SF3B6: variants seen among roughly 807,000 people sequenced by gnomAD.
SF3B6 encodes the protein splicing factor 3b subunit 6, also known as SF3b 14 kDa subunit.
A neutral mutation model predicts 15.9 loss-of-function variants in SF3B6; 3 were observed. The ratio of observed to expected loss-of-function variants is 0.19; its 90% CI spans 0.09 to 0.49. The LOEUF (loss-of-function observed/expected upper bound fraction) is 0.49, where lower values mean the gene tolerates loss of function less well. Ranked by LOEUF, SF3B6 falls within the 20% of genes least tolerant of loss-of-function variation. The probability of loss-of-function intolerance (pLI) is 0.97; values close to 1 mark genes in which losing one functional copy is unlikely to be tolerated. For synonymous variants in SF3B6, 49 were observed against 51.1 expected, an observed-to-expected ratio of 0.96 and a Z score of 0.18; for missense variants, 71 against 154.3, an observed-to-expected ratio of 0.46 and a Z score of 2.86.
chr2:24,073,230 C>T (rs11890987), intron 2 of SF3B6, among the ~76,000 whole-genome samples: 18,159 of 152,144 alleles, frequency 0.12, 1,265 homozygotes, highest in South Asian at 0.18. Context: ...AAACTTTATA[C>T]GTAGTCATTA....
At chr2:24,068,120 C>G (rs1441784215) in intron 3 of SF3B6, among the ~76,000 whole-genome samples, 1 of 152,158 alleles carries the variant, frequency 6.6e-6, no homozygotes, top group Admixed American at 6.5e-5. Flanking sequence ...CCCGCCACCA[C>G]GCCCGGCTAA....
In SF3B6 at chr2:24,068,454, T is replaced by C; in HGVS notation, c.155A>G (p.Asn52Ser). Residue 52 changes from asparagine to serine, a missense_variant, in exon 3 of 4, where the codon AAC becomes AGC. Asn to Ser is a conservative substitution (Grantham distance 46). This residue lies in a region of SF3B6 where 52 missense variants were observed against 113.2 expected (regional missense o/e 0.46). Transcript: ENST00000233468. ...YGPIRQIRVGNTPETRGTAYV... is the reference protein window; with the variant it reads ...YGPIRQIRVGSTPETRGTAYV... ...AGCTGTTCCTCTAGTTTCAGGTGTG[T>C]TCCCCCTGGAGAGGTAAGTTAAACT... 1 of 1,611,778 alleles carries C rather than the reference T, an allele frequency of 6.2e-7. No individual in the cohort carries two copies. Among genetic ancestry groups the C allele is most frequent in the Non-Finnish European group, 8.5e-7 (1 of 1,179,124 alleles).
In SF3B6 at chr2:24,076,265, G is replaced by A; in HGVS notation, c.-36C>T. On this transcript the variant is annotated 5_prime_UTR_variant, in exon 1 of 4. Transcript: ENST00000233468. Reference sequence around the variant, plus strand: ...TGATGAAGTTACCGTAGCAGATACTGAAATTCCTCCGGAGCTCGCTCGGCT... The same window carrying A: ...TGATGAAGTTACCGTAGCAGATACTAAAATTCCTCCGGAGCTCGCTCGGCT... 6.2e-7 allele frequency: 1 copy of A among 1,614,112 alleles called. No homozygotes were observed. Among genetic ancestry groups the A allele is most frequent in the Non-Finnish European group, 8.5e-7 (1 of 1,179,950 alleles).
intron 1 of SF3B6, among the ~76,000 whole-genome samples, 156 bp from the exon 2 acceptor site, chr2:24,074,350 T>C (rs1232344204): frequency 6.6e-6 from 1 of 152,036 alleles, no homozygotes; most frequent in Non-Finnish European, 1.5e-5. Context: ...TTTCTGAAAA[T>C]GGGCAGATCT....
chr2:24,076,066 TCTTCG>T (rs1234504544), intron 1 of SF3B6, 129 bp downstream of exon 1: 7 of 1,158,216 alleles, frequency 6.0e-6, no homozygotes, highest in African/African-American at 1.5e-5. Context: ...CCGGATAGTG[TCTTCG>T]CTGACAGGAT....
At chr2:24,071,551 G>A (rs1664651616) in intron 2 of SF3B6, among the ~76,000 whole-genome samples, 1 of 152,180 alleles carries the variant, frequency 6.6e-6, no homozygotes, top group South Asian at 2.1e-4. Context: ...TTTGCAGTGA[G>A]CCGAGATCGT....
intron 2 of SF3B6, among the ~76,000 whole-genome samples, chr2:24,073,329 C>T (rs537910781): frequency 2.6e-5 from 4 of 152,224 alleles, no homozygotes; most frequent in South Asian, 2.1e-4. Flanking sequence ...CATATGAGTT[C>T]GGGTGTCAGA....
At chr2:24,075,238 C>T (rs139852221) in intron 1 of SF3B6, among the ~76,000 whole-genome samples, 1 of 152,164 alleles carries the variant, frequency 6.6e-6, no homozygotes, top group Non-Finnish European at 1.5e-5. Context: ...CATCTTTTCA[C>T]CCCACTGCAA....
chr2:24,076,204 GC>G lies in SF3B6; in HGVS notation c.25del (p.Ala9ArgfsTer9). ...CGCAGAACACCCGATACTCACGTTC[GC>G]CCTCTTGGCCGCTTGCATCGCCATC... The part of the protein sequence containing the change: MAMQAAKR[A>X]NIRLPPEVNR... On this transcript the variant is annotated frameshift_variant, in exon 1 of 4. Coordinates refer to ENST00000233468, the MANE Select transcript of SF3B6 (RefSeq NM_016047.4). LOFTEE classifies it high-confidence loss of function. 6.2e-7 allele frequency: 1 copy of G among 1,614,160 alleles called. No homozygotes were observed. The highest frequency in any genetic ancestry group is 8.5e-7 in the Non-Finnish European group (1 of 1,180,008).
At chr2:24,075,863 A>G (rs1664735570) in intron 1 of SF3B6, among the ~76,000 whole-genome samples, 1 of 152,044 alleles carries the variant, frequency 6.6e-6, no homozygotes, top group South Asian at 2.1e-4. Flanking sequence ...TGAACCATTA[A>G]GTTAGTTGAG....
At chr2:24,071,626 C>T (rs906978317) in intron 2 of SF3B6, among the ~76,000 whole-genome samples, 3 of 152,082 alleles carry the variant, frequency 2.0e-5, no homozygotes, top group African/African-American at 7.2e-5. Flanking sequence ...ATGTTTCATA[C>T]AAGAAGTAGA....
chr2:24,075,923 G>A (rs374064666), intron 1 of SF3B6, among the ~76,000 whole-genome samples: 127 of 152,174 alleles, frequency 8.3e-4, no homozygotes, highest in African/African-American at 2.9e-3. Flanking sequence ...CCTAACGCCA[G>A]GTCCTTAGGT....
At chr2:24,070,841 T>G (rs904817349) in intron 2 of SF3B6, among the ~76,000 whole-genome samples, 1 of 152,210 alleles carries the variant, frequency 6.6e-6, no homozygotes, top group Admixed American at 6.5e-5. Flanking sequence ...TCCTGTACCC[T>G]AAACTTCTAT....
intron 2 of SF3B6, among the ~76,000 whole-genome samples, chr2:24,072,398 A>G (rs1448829797): frequency 6.6e-6 from 1 of 152,216 alleles, no homozygotes; most frequent in Non-Finnish European, 1.5e-5. Flanking sequence ...GCCCTGGAGG[A>G]ACTCACAACC....
At position 24,076,181 on chromosome 2, in the gene SF3B6, C is replaced by T; in HGVS notation, c.30+19G>A. The stretch of plus-strand genomic sequence containing the variant: ...AAACCCGAAGTTCTCCCACCCTCCG[C>T]AGAACACCCGATACTCACGTTCGCC... On this transcript the variant is annotated intron_variant, in intron 1 of 3. Coordinates refer to ENST00000233468, the MANE Select transcript of SF3B6 (RefSeq NM_016047.4). 2 of 1,614,210 alleles carry T rather than the reference C, an allele frequency of 1.2e-6. No homozygotes were observed. The highest frequency in any genetic ancestry group is 1.7e-6 in the Non-Finnish European group (2 of 1,180,026).
intron 2 of SF3B6, among the ~76,000 whole-genome samples, chr2:24,072,515 G>A (rs55868657): frequency 0.15 from 23,292 of 152,032 alleles, 2,033 homozygotes; most frequent in South Asian, 0.21. Context: ...ATGTACACTG[G>A]GAAGGAAAAC....
chr2:24,072,104 A>C (rs932311856), intron 2 of SF3B6, among the ~76,000 whole-genome samples: 3 of 151,952 alleles, frequency 2.0e-5, no homozygotes, highest in Non-Finnish European at 4.4e-5. Context: ...CTCCCACTTG[A>C]GCCTCCTGAG....
At chr2:24,075,120 G>A (rs1462058674) in intron 1 of SF3B6, among the ~76,000 whole-genome samples, 2 of 151,708 alleles carry the variant, frequency 1.3e-5, no homozygotes, top group East Asian at 3.9e-4. Context: ...CAGAGTGAGA[G>A]TCCATCTCAA....
chr2:24,076,313 T>G lies in SF3B6; in HGVS notation c.-84A>C. 6.5e-7 allele frequency: 1 copy of G among 1,534,552 alleles called. No individual in the cohort carries two copies. Among genetic ancestry groups the G allele is most frequent in the Non-Finnish European group, 9.0e-7 (1 of 1,107,400 alleles). The stretch of plus-strand genomic sequence containing the variant: ...GCTTCGGGGGTTACACCGCGTTAGA[T>G]GCAGGACATCAACATCCAGGACCCG... On this transcript the variant is annotated 5_prime_UTR_variant, in exon 1 of 4. Transcript: ENST00000233468.
Sources: allele counts gnomAD v4.1 joint callset (sites outside exome capture counted in the v4.1 genomes callset), GRCh38; gene constraint gnomAD v4.1.1; regional missense constraint gnomAD v4.1.1; transcripts MANE v1.5; gene names NCBI Gene and HGNC (gene_info 2026-07-23, HGNC 2026-07-21).